QTGAL: variants seen among roughly 807,000 people sequenced by gnomAD.
QTGAL encodes queuosine-tRNA galactosyltransferase.
the QTGAL span, among the ~76,000 whole-genome samples, chr17:83,045,124 GTTGT>G: frequency 6.6e-6 from 1 of 151,904 alleles, no homozygotes; most frequent in East Asian, 1.9e-4. Context: ...AGAGAAATCT[GTTGT>G]TTATCCCCTA....
At chr17:82,953,902 A>G in the QTGAL span, among the ~76,000 whole-genome samples, 4 of 152,270 alleles carry the variant, frequency 2.6e-5, no homozygotes, top group Non-Finnish European at 5.9e-5. Flanking sequence ...CGAAGACCAC[A>G]TGATTATCTC....
chr17:83,048,914 C>A, the QTGAL span: 1 of 727,462 alleles, frequency 1.4e-6, no homozygotes, highest in Non-Finnish European at 2.4e-6. Flanking sequence ...TCCTTTTCTC[C>A]AGGCTCTTAA....
the QTGAL span, chr17:82,949,984 T>G: frequency 6.6e-6 from 1 of 152,178 alleles, no homozygotes; most frequent in Non-Finnish European, 1.5e-5. Context: ...GTCACTTTGC[T>G]AATATGGCTC....
the QTGAL span, among the ~76,000 whole-genome samples, chr17:82,984,339 C>T: frequency 2.6e-4 from 32 of 124,208 alleles, 1 homozygote; most frequent in South Asian, 7.7e-3. Flanking sequence ...CGTGAGCACA[C>T]GGGGAGAGGC....
the QTGAL span, among the ~76,000 whole-genome samples, chr17:83,036,653 C>T: frequency 6.6e-6 from 1 of 152,142 alleles, no homozygotes; most frequent in African/African-American, 2.4e-5. Flanking sequence ...TGTTAGGGAG[C>T]TGTGGCAAGA....
chr17:83,021,300 G>A, the QTGAL span, among the ~76,000 whole-genome samples: 1 of 151,244 alleles, frequency 6.6e-6, no homozygotes, highest in Non-Finnish European at 1.5e-5. Context: ...TTATTCACAG[G>A]TGACATAATC....
At chr17:83,017,118 G>A in the QTGAL span, among the ~76,000 whole-genome samples, 1 of 152,176 alleles carries the variant, frequency 6.6e-6, no homozygotes, top group Non-Finnish European at 1.5e-5. Context: ...CGCTGGTGTT[G>A]CCACCCATGT....
the QTGAL span, among the ~76,000 whole-genome samples, chr17:82,965,935 G>A: frequency 6.6e-6 from 1 of 152,100 alleles, no homozygotes; most frequent in Non-Finnish European, 1.5e-5. Context: ...CGGGGCTCAA[G>A]GGGCTTCATG....
the QTGAL span, among the ~76,000 whole-genome samples, chr17:83,036,363 G>A: frequency 6.6e-6 from 1 of 152,212 alleles, no homozygotes; most frequent in Non-Finnish European, 1.5e-5. Context: ...CCTTGGGGAA[G>A]GGGGTGACCA....
chr17:83,049,037 A>C, the QTGAL span: 29 of 454,228 alleles, frequency 6.4e-5, no homozygotes, highest in Non-Finnish European at 8.4e-5. Flanking sequence ...GTGGATTACA[A>C]GGTCAGGAGA....
At chr17:83,013,792 C>T in the QTGAL span, among the ~76,000 whole-genome samples, 1 of 152,170 alleles carries the variant, frequency 6.6e-6, no homozygotes, top group Admixed American at 6.5e-5. Flanking sequence ...GTTATGGATC[C>T]CTCAGTGTTA....
chr17:83,012,780 C>T, the QTGAL span, among the ~76,000 whole-genome samples: 1 of 152,148 alleles, frequency 6.6e-6, no homozygotes, highest in East Asian at 1.9e-4. Context: ...AGGACATTTT[C>T]CCCCATTTTC....
the QTGAL span, chr17:83,006,028 G>A: frequency 1.4e-5 from 15 of 1,036,994 alleles, no homozygotes; most frequent in African/African-American, 3.4e-5. The surrounding 1 kb of genome is among the most constrained non-coding windows in gnomAD (Gnocchi z 5.8). Context: ...GGGCGCGTCC[G>A]TAGGAAACAG....
chr17:82,956,260 C>T, the QTGAL span, among the ~76,000 whole-genome samples: 1 of 152,186 alleles, frequency 6.6e-6, no homozygotes, highest in Non-Finnish European at 1.5e-5. The surrounding 1 kb of genome is among the most constrained non-coding windows in gnomAD (Gnocchi z 5.7). Context: ...AGGCACCCAT[C>T]ACCTGCCCAC....
the QTGAL span, among the ~76,000 whole-genome samples, chr17:83,024,277 G>T: frequency 6.9e-6 from 1 of 145,784 alleles, no homozygotes; most frequent in Non-Finnish European, 1.5e-5. Context: ...GGCAGCCTCC[G>T]CCCGGGGTCC....
chr17:82,969,460 C>T, the QTGAL span, among the ~76,000 whole-genome samples: 6 of 152,048 alleles, frequency 3.9e-5, no homozygotes, highest in South Asian at 2.1e-4. Flanking sequence ...CCACCTGCCT[C>T]GGCCTCCCAA....
chr17:82,994,821 C>G, the QTGAL span, among the ~76,000 whole-genome samples: 1 of 152,162 alleles, frequency 6.6e-6, no homozygotes, highest in Non-Finnish European at 1.5e-5. Context: ...TTCAACAACA[C>G]ATTAAAAAGA....
At chr17:83,033,423 T>G in the QTGAL span, among the ~76,000 whole-genome samples, 1 of 151,948 alleles carries the variant, frequency 6.6e-6, no homozygotes, top group East Asian at 1.9e-4. Context: ...AATGCAAAGT[T>G]ACACTGTCAA....
the QTGAL span, chr17:82,948,314 T>C: frequency 6.6e-6 from 1 of 152,260 alleles, no homozygotes; most frequent in Admixed American, 6.5e-5. Flanking sequence ...GCTCTGGGCA[T>C]GTTCCTGGGC....
Sources: gnomAD v4.1 joint callset for allele counts (sites outside exome capture counted in the v4.1 genomes callset) on GRCh38, gnomAD v4.1.1 for gene constraint, Gnocchi (gnomAD v3.1) non-coding constraint, MANE v1.5 for transcripts, NCBI Gene and HGNC (gene_info 2026-07-23, HGNC 2026-07-21) for gene names.